Variants in CRPPA observed in about 807,000 individuals in gnomAD.
CRPPA encodes D-ribitol-5-phosphate cytidylyltransferase.
Under a neutral mutation model 52.0 loss-of-function variants are expected in CRPPA, and 43 were observed. The observed-to-expected ratio is 0.83, with a 90% confidence interval of 0.65 to 1.07. The LOEUF is 1.07. Among genes scored for constraint, CRPPA ranks in the 50% least tolerant of loss-of-function variants. The pLI is 0.00. For missense variants in CRPPA, 629 were observed against 551.7 expected (o/e 1.14, Z -1.40); for synonymous variants, 250 against 203.5 (o/e 1.23, Z -1.94).
At chr7:16,404,506 G>A (rs1265800087) in intron 2 of CRPPA, among the ~76,000 whole-genome samples, 4 of 151,002 alleles carry the variant, frequency 2.6e-5, no homozygotes, top group Non-Finnish European at 5.9e-5. Context: ...TCACTTTATG[G>A]ACAATATCTC....
intron 1 of CRPPA, among the ~76,000 whole-genome samples, chr7:16,408,604 C>T (rs1272389379): frequency 1.3e-5 from 2 of 152,206 alleles, no homozygotes; most frequent in Non-Finnish European, 2.9e-5. Flanking sequence ...AACCAATACT[C>T]ACTCATCACA....
intron 8 of CRPPA, among the ~76,000 whole-genome samples, chr7:16,252,385 T>A (rs1325594551): frequency 9.9e-5 from 15 of 152,108 alleles, no homozygotes; most frequent in African/African-American, 3.6e-4. Flanking sequence ...ATAAACTAAG[T>A]ATTGACGGAA....
At chr7:16,093,106 T>C (rs987628218) in intron 9 of CRPPA, among the ~76,000 whole-genome samples, 8 of 152,194 alleles carry the variant, frequency 5.3e-5, no homozygotes, top group Admixed American at 3.9e-4. Context: ...GCACACCGAA[T>C]TTTATAGTCT....
chr7:16,357,433 G>A (rs958865262), intron 3 of CRPPA, among the ~76,000 whole-genome samples: 2 of 152,020 alleles, frequency 1.3e-5, no homozygotes, highest in Non-Finnish European at 2.9e-5. Context: ...GCCCTTCTTG[G>A]CCTCCCAAAG....
chr7:16,179,595 G>A (rs1324147506), intron 9 of CRPPA, among the ~76,000 whole-genome samples: 1 of 151,976 alleles, frequency 6.6e-6, no homozygotes, highest in East Asian at 1.9e-4. Flanking sequence ...TCAGAATCCA[G>A]GAAAATAAGG....
intron 1 of CRPPA, among the ~76,000 whole-genome samples, chr7:16,420,747 G>A (rs1788310565): frequency 6.6e-6 from 1 of 152,086 alleles, no homozygotes; most frequent in Non-Finnish European, 1.5e-5. Context: ...TTCTCCTCAG[G>A]CCCCACAGCT....
At chr7:16,249,369 C>T (rs760293525) in intron 8 of CRPPA, among the ~76,000 whole-genome samples, 2 of 152,180 alleles carry the variant, frequency 1.3e-5, no homozygotes, top group East Asian at 3.9e-4. Context: ...GCCCAGCATT[C>T]GAGCTCTAAT....
chr7:16,258,398 C>A lies in CRPPA; in HGVS notation c.1111G>T (p.Val371Phe). ...GCATTAATTTCACTTACTGAAACAA[C>A]AACAACAGGATATAAAATGCAAAGA... ...SSLCILYPVVVVSVHFLDFKL... is the reference protein window; with the variant it reads ...SSLCILYPVVFVSVHFLDFKL... The change falls in exon 8 of 10, where the codon GTT (valine) becomes TTT (phenylalanine). Residue 371 changes from valine (V) to phenylalanine (F), a missense_variant. By Grantham distance (50) the Val-to-Phe change is conservative. Transcript: ENST00000407010. 6.3e-7 allele frequency: 1 copy of A among 1,591,868 alleles called. No homozygotes were observed.
intron 9 of CRPPA, among the ~76,000 whole-genome samples, chr7:16,157,507 T>C (rs1051249546): frequency 1.6e-4 from 25 of 152,320 alleles, no homozygotes; most frequent in African/African-American, 4.8e-4. Flanking sequence ...TAAAAATTAC[T>C]GTATCCTGAA....
intron 3 of CRPPA, among the ~76,000 whole-genome samples, chr7:16,367,798 G>T (rs1456133955): frequency 1.3e-5 from 2 of 152,106 alleles, no homozygotes; most frequent in East Asian, 1.9e-4. Context: ...GCGGGGAGGG[G>T]TTGTTTCAAT....
At chr7:16,255,781 C>T (rs1188708753) in intron 8 of CRPPA, among the ~76,000 whole-genome samples, 1 of 152,066 alleles carries the variant, frequency 6.6e-6, no homozygotes, top group African/African-American at 2.4e-5. Context: ...ATGCCTTATA[C>T]AAAAATTAAC....
At chr7:16,102,229 G>A (rs909016326) in intron 9 of CRPPA, among the ~76,000 whole-genome samples, 3 of 151,772 alleles carry the variant, frequency 2.0e-5, no homozygotes, top group African/African-American at 7.3e-5. Flanking sequence ...TTTAATAAAT[G>A]GTGTTAGGAA....
At chr7:16,148,495 G>A (rs1028701348) in intron 9 of CRPPA, among the ~76,000 whole-genome samples, 1 of 152,078 alleles carries the variant, frequency 6.6e-6, no homozygotes, top group African/African-American at 2.4e-5. Flanking sequence ...AAGCATGGAT[G>A]AACCTCGAGG....
At chr7:16,156,620 TA>T (rs2128380586) in intron 9 of CRPPA, among the ~76,000 whole-genome samples, 1 of 152,298 alleles carries the variant, frequency 6.6e-6, no homozygotes, top group Admixed American at 6.5e-5. Flanking sequence ...AACAAATTTG[TA>T]AAATAATAGG....
chr7:16,405,831 A>G (rs1787938485), intron 2 of CRPPA, among the ~76,000 whole-genome samples: 1 of 152,214 alleles, frequency 6.6e-6, no homozygotes, highest in Non-Finnish European at 1.5e-5. Flanking sequence ...ACATTAATAC[A>G]TTCTTCTCCA....
At chr7:16,379,345 C>A (rs1272092930) in intron 2 of CRPPA, among the ~76,000 whole-genome samples, 4 of 152,152 alleles carry the variant, frequency 2.6e-5, no homozygotes, top group Non-Finnish European at 5.9e-5. Context: ...TTCCATTGAT[C>A]TATATCTCTG....
At chr7:16,227,363 G>A (rs1229195336) in intron 8 of CRPPA, among the ~76,000 whole-genome samples, 1 of 151,760 alleles carries the variant, frequency 6.6e-6, no homozygotes, top group African/African-American at 2.4e-5. Context: ...ACAAGGGAAT[G>A]TATGGGTTCC....
chr7:16,314,461 A>T (rs1017689080), intron 3 of CRPPA, among the ~76,000 whole-genome samples: 3 of 152,056 alleles, frequency 2.0e-5, no homozygotes, highest in African/African-American at 7.2e-5. Context: ...TTTTGAACAA[A>T]GTTACCTGTT....
chr7:16,373,184 T>C (rs992875368), intron 3 of CRPPA, among the ~76,000 whole-genome samples: 1 of 151,902 alleles, frequency 6.6e-6, no homozygotes, highest in Non-Finnish European at 1.5e-5. Context: ...TAATCCCAGC[T>C]ATTTGGGAGG....
Sources: gnomAD v4.1 joint callset for allele counts (sites outside exome capture counted in the v4.1 genomes callset) on GRCh38, gnomAD v4.1.1 for gene constraint, MANE v1.5 for transcripts, NCBI Gene and HGNC (gene_info 2026-07-23, HGNC 2026-07-21) for gene names.